PPP1R12B: variants seen among roughly 807,000 people sequenced by gnomAD.
PPP1R12B encodes protein phosphatase 1 regulatory subunit 12B.
Under a neutral mutation model 126.1 loss-of-function variants are expected in PPP1R12B, and 76 were observed. The observed-to-expected ratio is 0.60, with a 90% confidence interval of 0.50 to 0.73. The LOEUF (loss-of-function observed/expected upper bound fraction) is 0.73. PPP1R12B is among the 30% of genes least tolerant of loss of function. The pLI is 0.00. For missense variants in PPP1R12B, 1,052 were observed against 1,205.1 expected, an observed-to-expected ratio of 0.87 and a Z score of 1.88; for synonymous variants, 356 against 434.7, an observed-to-expected ratio of 0.82 and a Z score of 2.25.
Position 202,589,114 on chromosome 1 carries a change from C to G in PPP1R12B, c.*8554C>G, listed in dbSNP as rs1690012426. On this transcript the variant is annotated 3_prime_UTR_variant, in exon 24 of 24. Transcript: ENST00000608999. The stretch of plus-strand genomic sequence containing the variant: ...AGGTCATTGTTTAATTCAGGAGATC[C>G]AAAACTATCCTGTAGTTCCAAACTA... The G allele has an allele frequency of 1.3e-5, 2 of 152,074 alleles. No individual in the cohort carries two copies. Among genetic ancestry groups the G allele is most frequent in the Non-Finnish European group, 1.5e-5 (1 of 68,028 alleles). 9.4% of individuals were successfully genotyped at this position (152,074 alleles called of 1,614,324 possible). A position where few individuals can be genotyped will look rare whatever the true frequency, so the allele number is the denominator to read the frequency against.
At chr1:202,438,998 C>T (rs1056710426) in intron 10 of PPP1R12B, 20 of 1,469,392 alleles carry the variant, frequency 1.4e-5, no homozygotes, top group East Asian at 4.5e-5. Context: ...CCTGGCCAAC[C>T]GGAAGCAGGA....
In PPP1R12B at chr1:202,580,481, C is replaced by G; in HGVS notation, c.2870C>G (p.Thr957Arg). 1.2e-6 allele frequency: 2 copies of G among 1,613,504 alleles called. No individual in the cohort carries two copies. The highest frequency in any genetic ancestry group is 3.3e-4 in the Middle Eastern group (2 of 6,056). ...CCCTCTGTCACCCTACAGGTGTTAA[C>G]AGAACTGAAATCCGACAACCAGAGG... ...SEMEEEMKVL[T>R]ELKSDNQRLK... The change falls in exon 24 of 24, where the codon ACA (threonine) becomes AGA (arginine). Residue 957 changes from threonine (T) to arginine (R), a missense_variant. By Grantham distance (71) the Thr-to-Arg change is moderately conservative (BLOSUM62 -1). Transcript: ENST00000608999.
intron 13 of PPP1R12B, among the ~76,000 whole-genome samples, chr1:202,461,998 C>T (rs1228464552): frequency 1.3e-5 from 2 of 152,118 alleles, no homozygotes; most frequent in Non-Finnish European, 2.9e-5. Flanking sequence ...CCTTTCCTGC[C>T]TAAGTGAGGT....
In PPP1R12B at chr1:202,449,436, C is replaced by T. The variant is rs538683761; in HGVS notation, c.1850+265C>T. Among the ~76,000 whole-genome samples, 10 of 151,840 alleles carry T rather than the reference C, an allele frequency of 6.6e-5. No homozygotes were observed. In the South Asian group the frequency reaches 1.5e-3, roughly 22 times the overall value. On this transcript the variant is annotated intron_variant, in intron 13 of 23. Transcript: ENST00000608999. ...GACTGCAGGCGTGTGTCACCCCACCCGGCTAATTTTTTTGTATTTTTAGTA... is the reference window on the plus strand; with the variant it reads ...GACTGCAGGCGTGTGTCACCCCACCTGGCTAATTTTTTTGTATTTTTAGTA...
chr1:202,499,644 C>A (rs1210778056), intron 18 of PPP1R12B, among the ~76,000 whole-genome samples: 6 of 152,182 alleles, frequency 3.9e-5, no homozygotes. Context: ...CTAAATGATT[C>A]AAAATATCTA....
chr1:202,401,020 C>CA (rs1665744803), intron 1 of PPP1R12B, among the ~76,000 whole-genome samples: 1 of 152,122 alleles, frequency 6.6e-6, no homozygotes, highest in Admixed American at 6.5e-5. Flanking sequence ...GTGATATGTG[C>CA]AACTTATGTG....
chr1:202,451,844 G>A (rs1672982696), intron 13 of PPP1R12B, among the ~76,000 whole-genome samples: 2 of 151,164 alleles, frequency 1.3e-5, no homozygotes, highest in Non-Finnish European at 3.0e-5. Flanking sequence ...GCCTGGTGGG[G>A]GCTGACCCCC....
chr1:202,463,583 C>A (rs1311341738), intron 13 of PPP1R12B, among the ~76,000 whole-genome samples: 1 of 151,970 alleles, frequency 6.6e-6, no homozygotes, highest in Non-Finnish European at 1.5e-5. Flanking sequence ...CTTGAGTTGG[C>A]CTTTGAAATT....
intron 1 of PPP1R12B, among the ~76,000 whole-genome samples, chr1:202,406,130 G>T (rs1571861912): frequency 6.6e-6 from 1 of 152,254 alleles, no homozygotes; most frequent in South Asian, 2.1e-4. Context: ...CTTGTGTCTT[G>T]TGAAACACTT....
At chr1:202,369,099 A>G (rs1489255241) in intron 1 of PPP1R12B, among the ~76,000 whole-genome samples, 2 of 152,240 alleles carry the variant, frequency 1.3e-5, no homozygotes, top group Non-Finnish European at 2.9e-5. Flanking sequence ...TTGTTACCTT[A>G]TCTTTAGTCT....
chr1:202,454,486 G>T (rs1037900531), intron 13 of PPP1R12B, among the ~76,000 whole-genome samples: 2 of 152,212 alleles, frequency 1.3e-5, no homozygotes, highest in African/African-American at 2.4e-5. Context: ...AGAAGCCCAG[G>T]TGATACATCA....
chr1:202,522,447 G>T (rs1682875083), intron 18 of PPP1R12B, among the ~76,000 whole-genome samples: 1 of 151,744 alleles, frequency 6.6e-6, no homozygotes, highest in South Asian at 2.1e-4. Flanking sequence ...TATAGTAATA[G>T]AAATATAGAA....
chr1:202,545,638 C>CT (rs1685576388), intron 18 of PPP1R12B, among the ~76,000 whole-genome samples: 1 of 152,108 alleles, frequency 6.6e-6, no homozygotes, highest in East Asian at 1.9e-4. Flanking sequence ...AATTGGCAGT[C>CT]TAATTGGGGA....
chr1:202,426,041 TA>T, intron 4 of PPP1R12B, among the ~76,000 whole-genome samples: 1 of 152,320 alleles, frequency 6.6e-6, no homozygotes, highest in Non-Finnish European at 1.5e-5. Flanking sequence ...TTGTGACCTG[TA>T]ATACTTGTGA....
chr1:202,451,203 G>C (rs1465021829), intron 13 of PPP1R12B, among the ~76,000 whole-genome samples: 1 of 148,066 alleles, frequency 6.8e-6, no homozygotes, highest in Non-Finnish European at 1.5e-5. Flanking sequence ...GATCATTCTT[G>C]GGTGTTCCTC....
rs199556129 is a variant in PPP1R12B at position 202,465,823 on chromosome 1, T to C, written c.1850+16652T>C. Among the ~76,000 whole-genome samples, 7 of 152,334 alleles carry C rather than the reference T, an allele frequency of 4.6e-5. No homozygotes were observed. In the East Asian group the frequency reaches 1.4e-3, roughly 29 times the overall value. On this transcript the variant is annotated intron_variant, in intron 13 of 23. Transcript: ENST00000608999. Reference sequence around the variant, plus strand: ...TCTAACCTGATAAAGGGAACTAGAGTATGATTCACAGTCCTTGCGCACTTG... The same window carrying C: ...TCTAACCTGATAAAGGGAACTAGAGCATGATTCACAGTCCTTGCGCACTTG...
Position 202,438,017 on chromosome 1 carries a change from A to G in PPP1R12B, c.1451A>G (p.Lys484Arg), listed in dbSNP as rs746112008. Residue 484 changes from lysine (K) to arginine (R), a missense_variant, in exon 10 of 24, where the codon AAA becomes AGA. By Grantham distance (26) the Lys-to-Arg change is conservative (BLOSUM62 2). Transcript: ENST00000608999. ...SPRISALLDN[K>R]DKERENKSYI... ...CGGATTTCTGCTCTACTGGACAACA[A>G]AGATAAGGTGCAGTTTGGGAGGGTA... The G allele has an allele frequency of 1.9e-6, 3 of 1,613,896 alleles. No homozygotes were observed. In the Admixed American group the frequency reaches 5.0e-5, roughly 27 times the overall value.
At chr1:202,378,790 C>G (rs1035760403) in intron 1 of PPP1R12B, among the ~76,000 whole-genome samples, 1 of 152,142 alleles carries the variant, frequency 6.6e-6, no homozygotes, top group Non-Finnish European at 1.5e-5. Context: ...TTTTCTAGTT[C>G]TTATCCTTTT....
intron 13 of PPP1R12B, among the ~76,000 whole-genome samples, chr1:202,474,569 C>T (rs780941145): frequency 1.7e-4 from 26 of 152,060 alleles, no homozygotes; most frequent in African/African-American, 5.8e-4. Flanking sequence ...TGAGCCACCG[C>T]GCCCAGCCAC....
Sources: allele counts gnomAD v4.1 joint callset (sites outside exome capture counted in the v4.1 genomes callset), GRCh38; gene constraint gnomAD v4.1.1; transcripts MANE v1.5; gene names NCBI Gene and HGNC (gene_info 2026-07-23, HGNC 2026-07-21).